The following ASTN2 variants were observed in gnomAD, a reference collection of about 807,000 sequenced individuals.
The protein encoded by ASTN2 is astrotactin 2.
ASTN2 carries 54 observed loss-of-function variants against 139.8 expected under a neutral mutation model. The ratio of observed to expected loss-of-function variants is 0.39; its 90% confidence interval spans 0.31 to 0.48. ASTN2 has a LOEUF of 0.48. ASTN2 is among the 20% of genes least tolerant of loss of function. The pLI, the probability that ASTN2 is intolerant of heterozygous loss-of-function variation, is 0.95. For synonymous variants in ASTN2, 756 were observed against 719.5 expected, an observed-to-expected ratio of 1.05 and a Z score of -0.81; for missense variants, 1,565 against 1,725.1, an observed-to-expected ratio of 0.91 and a Z score of 1.64.
At chr9:117,120,010 G>GTA (rs1167959692) in intron 4 of ASTN2, among the ~76,000 whole-genome samples, 96 of 33,712 alleles carry the variant, frequency 2.8e-3, no homozygotes, top group African/African-American at 7.5e-3. Flanking sequence ...GTGTGTGTGT[G>GTA]TGTGTGTGTA....
At chr9:116,622,313 T>G (rs1885243) in intron 17 of ASTN2, among the ~76,000 whole-genome samples, 6 of 152,296 alleles carry the variant, frequency 3.9e-5, no homozygotes, top group Admixed American at 2.6e-4. Context: ...TCCTGCCACA[T>G]GTTCTTATCC....
At chr9:116,621,466 T>C (rs1856150206) in intron 17 of ASTN2, among the ~76,000 whole-genome samples, 1 of 146,464 alleles carries the variant, frequency 6.8e-6, no homozygotes, top group South Asian at 2.2e-4. Context: ...CACACACACA[T>C]TCCATTCTAT....
intron 10 of ASTN2, among the ~76,000 whole-genome samples, chr9:116,938,962 AG>A (rs1474198621): frequency 1.3e-5 from 2 of 152,228 alleles, no homozygotes; most frequent in Admixed American, 6.5e-5. Flanking sequence ...TGAAAGGACA[AG>A]GACAAATATG....
chr9:116,460,978 C>A (rs2118965445), intron 20 of ASTN2, among the ~76,000 whole-genome samples: 1 of 152,180 alleles, frequency 6.6e-6, no homozygotes, highest in South Asian at 2.1e-4. Flanking sequence ...TTTGGCTAAA[C>A]AGAAATAATT....
intron 12 of ASTN2, among the ~76,000 whole-genome samples, chr9:116,812,561 T>C (rs76168597): frequency 2.0e-5 from 3 of 152,246 alleles, no homozygotes; most frequent in Non-Finnish European, 4.4e-5. Context: ...AATATTGACC[T>C]TGAGAACTGT....
intron 20 of ASTN2, among the ~76,000 whole-genome samples, chr9:116,481,713 C>A (rs1454717510): frequency 6.6e-6 from 1 of 152,110 alleles, no homozygotes; most frequent in Non-Finnish European, 1.5e-5. Context: ...TGATTATCTC[C>A]ATTTTAGGAA....
At chr9:116,896,970 G>A (rs1028272838) in intron 10 of ASTN2, among the ~76,000 whole-genome samples, 1 of 152,280 alleles carries the variant, frequency 6.6e-6, no homozygotes, top group Non-Finnish European at 1.5e-5. Context: ...ACAAGAACTC[G>A]ATCTCGTTAT....
In ASTN2 at chr9:116,729,045, C is replaced by A. The variant is rs374128582; in HGVS notation, c.2573G>T (p.Arg858Leu). Reference protein sequence around the residue: ...AMGYPMVQQWRVRSNLYRVKL... With the variant: ...AMGYPMVQQWLVRSNLYRVKL... ...CACACGGTAGAGGTTGCTCCGGACC[C>A]GCCACTGCTGCACCATGGGGTAACC... Residue 858 changes from arginine to leucine, a missense_variant, in exon 15 of 23, where the codon CGG becomes CTG. Physicochemically the swap from Arg to Leu is moderately radical, Grantham distance 102. This residue lies in a region of ASTN2 where 503 missense variants were observed against 591.7 expected (regional missense o/e 0.85). Transcript: ENST00000313400. 7 of 1,598,340 alleles carry A rather than the reference C, an allele frequency of 4.4e-6. No individual in the cohort carries two copies. Among genetic ancestry groups the A allele is most frequent in the Non-Finnish European group, 6.0e-6 (7 of 1,172,018 alleles).
intron 16 of ASTN2, among the ~76,000 whole-genome samples, chr9:116,694,193 G>T (rs1860715966): frequency 6.6e-6 from 1 of 152,130 alleles, no homozygotes; most frequent in Non-Finnish European, 1.5e-5. Context: ...GAGGTAGGAA[G>T]CTTTTCAATT....
intron 2 of ASTN2, among the ~76,000 whole-genome samples, chr9:117,280,703 G>C (rs1402914121): frequency 2.0e-5 from 3 of 152,108 alleles, no homozygotes; most frequent in Non-Finnish European, 4.4e-5. Flanking sequence ...AATTTCTGTT[G>C]TCTTAAGCTT....
chr9:116,838,556 T>A (rs1405730189), intron 11 of ASTN2, among the ~76,000 whole-genome samples: 2 of 150,760 alleles, frequency 1.3e-5, no homozygotes, highest in African/African-American at 2.4e-5. Flanking sequence ...CCCAAGTAGC[T>A]GGAATTACAG....
chr9:117,017,685 T>C (rs1035901670), intron 6 of ASTN2, among the ~76,000 whole-genome samples: 1 of 152,220 alleles, frequency 6.6e-6, no homozygotes, highest in African/African-American at 2.4e-5. Flanking sequence ...AAGGCCTTCA[T>C]GTTTTTTTAT....
intron 19 of ASTN2, among the ~76,000 whole-genome samples, chr9:116,605,776 C>T (rs1855162152): frequency 6.6e-6 from 1 of 152,166 alleles, no homozygotes; most frequent in Non-Finnish European, 1.5e-5. Flanking sequence ...GTCCTATATC[C>T]CTTTATTTCC....
At position 117,096,052 on chromosome 9, in the gene ASTN2, C is replaced by T. The variant is rs149596951; in HGVS notation, c.1268G>A (p.Arg423His). Residue 423 changes from arginine (R) to histidine (H), a missense_variant, in exon 5 of 23, where the codon CGC (arginine) becomes CAC (histidine). Transcript: ENST00000313400. ...FYTEQYRSRRRSKGLLKSPVN... is the reference protein window; with the variant it reads ...FYTEQYRSRRHSKGLLKSPVN... Reference sequence around the variant, plus strand: ...TCCAAGGACACTATTACCTTTGCTGCGGCGGCGACTGCGGTACTGCTCCGT... The same window carrying T: ...TCCAAGGACACTATTACCTTTGCTGTGGCGGCGACTGCGGTACTGCTCCGT... The T allele has an allele frequency of 2.3e-5, 37 of 1,613,504 alleles. No individual in the cohort carries two copies. Among genetic ancestry groups the T allele is most frequent in the Middle Eastern group, 3.3e-4 (2 of 6,082 alleles).
intron 19 of ASTN2, chr9:116,547,415 T>G (rs149140794): frequency 2.6e-5 from 4 of 152,314 alleles, no homozygotes; most frequent in African/African-American, 9.6e-5. Context: ...GACATAAAAG[T>G]AGTGGAGAGT....
chr9:116,930,668 A>G (rs1240878867), intron 10 of ASTN2, among the ~76,000 whole-genome samples: 1 of 152,150 alleles, frequency 6.6e-6, no homozygotes, highest in African/African-American at 2.4e-5. Flanking sequence ...GGACAAAGCA[A>G]AAGCTCAGTA....
At chr9:116,829,287 T>G (rs1831733744) in intron 11 of ASTN2, among the ~76,000 whole-genome samples, 1 of 149,960 alleles carries the variant, frequency 6.7e-6, no homozygotes, top group Non-Finnish European at 1.5e-5. Context: ...CACAAAACCA[T>G]GGTATTGGTA....
chr9:116,718,001 C>A (rs544719128), intron 16 of ASTN2, among the ~76,000 whole-genome samples: 1 of 152,344 alleles, frequency 6.6e-6, no homozygotes, highest in South Asian at 2.1e-4. Flanking sequence ...GCCAAGCAGG[C>A]ATGGTCCCTG....
intron 16 of ASTN2, among the ~76,000 whole-genome samples, chr9:116,674,085 G>A (rs993098232): frequency 6.6e-6 from 1 of 152,226 alleles, no homozygotes; most frequent in African/African-American, 2.4e-5. Flanking sequence ...GATTGCCTTT[G>A]TAGGACTAAC....
Sources: gnomAD v4.1 joint callset for allele counts (sites outside exome capture counted in the v4.1 genomes callset) on GRCh38, gnomAD v4.1.1 for gene constraint, gnomAD v4.1.1 regional missense constraint, MANE v1.5 for transcripts, NCBI Gene and HGNC (gene_info 2026-07-23, HGNC 2026-07-21) for gene names.